Variants in NELL1 observed in about 807,000 individuals in gnomAD.
NELL1 encodes protein kinase C-binding protein NELL1.
A neutral mutation model predicts 107.4 loss-of-function variants in NELL1; 76 were observed. The ratio of observed to expected loss-of-function variants is 0.71; its 90% confidence interval spans 0.59 to 0.86. The LOEUF is 0.86. Among genes scored for constraint, NELL1 ranks in the 40% least tolerant of loss-of-function variants. The pLI is 0.00. For missense variants in NELL1, 1,024 were observed against 1,005.5 expected (o/e 1.02, Z -0.25); for synonymous variants, 353 against 341.2 (o/e 1.03, Z -0.38).
chr11:20,939,323 G>T (rs1037501299), intron 10 of NELL1, among the ~76,000 whole-genome samples: 1 of 151,662 alleles, frequency 6.6e-6, no homozygotes, highest in African/African-American at 2.4e-5. Context: ...TTATTGAAAT[G>T]ATATTGGGGG....
intron 13 of NELL1, among the ~76,000 whole-genome samples, chr11:21,154,787 A>G (rs1433099846): frequency 1.3e-5 from 2 of 152,120 alleles, no homozygotes; most frequent in East Asian, 3.9e-4. Context: ...GGAATTTATC[A>G]TGTGGGCCTT....
intron 15 of NELL1, among the ~76,000 whole-genome samples, chr11:21,430,288 A>T (rs1405065891): frequency 1.3e-5 from 2 of 152,120 alleles, no homozygotes; most frequent in Non-Finnish European, 2.9e-5. Flanking sequence ...ATATTTTGAC[A>T]TTTTGAATAT....
chr11:21,525,198 G>A (rs1302407342), intron 15 of NELL1, among the ~76,000 whole-genome samples: 1 of 152,156 alleles, frequency 6.6e-6, no homozygotes, highest in Non-Finnish European at 1.5e-5. Flanking sequence ...GGAAGAAATG[G>A]ATTGTTTTGT....
At chr11:21,365,544 G>T (rs993690066) in intron 14 of NELL1, among the ~76,000 whole-genome samples, 3 of 152,106 alleles carry the variant, frequency 2.0e-5, no homozygotes, top group Non-Finnish European at 4.4e-5. Context: ...CATTAGTATT[G>T]CTGTCATTAT....
chr11:21,023,115 A>G (rs1852739607), intron 12 of NELL1, among the ~76,000 whole-genome samples: 1 of 152,108 alleles, frequency 6.6e-6, no homozygotes, highest in African/African-American at 2.4e-5. Context: ...GGAAATTTGA[A>G]AAGCAAAACA....
intron 12 of NELL1, among the ~76,000 whole-genome samples, chr11:21,097,520 T>C (rs1854676291): frequency 6.6e-6 from 1 of 151,474 alleles, no homozygotes; most frequent in South Asian, 2.1e-4. Flanking sequence ...CATATTTTCC[T>C]AAATGTACTG....
intron 7 of NELL1, among the ~76,000 whole-genome samples, chr11:20,920,127 G>A (rs1256915511): frequency 6.6e-6 from 1 of 152,098 alleles, no homozygotes; most frequent in Non-Finnish European, 1.5e-5. Context: ...TAGAAAATAT[G>A]GCTAATGCTG....
At chr11:21,276,323 A>G (rs186435481) in intron 14 of NELL1, among the ~76,000 whole-genome samples, 16 of 152,346 alleles carry the variant, frequency 1.1e-4, no homozygotes, top group Admixed American at 3.9e-4. Context: ...TAAAATACCT[A>G]GGAATCCAAC....
intron 2 of NELL1, among the ~76,000 whole-genome samples, chr11:20,770,035 A>G (rs541707984): frequency 1.3e-5 from 2 of 152,324 alleles, no homozygotes; most frequent in African/African-American, 4.8e-5. Context: ...AACAGATTCA[A>G]TGTTCTTACC....
intron 15 of NELL1, among the ~76,000 whole-genome samples, chr11:21,420,042 G>A (rs1296152061): frequency 2.0e-5 from 3 of 151,974 alleles, no homozygotes; most frequent in African/African-American, 4.8e-5. Context: ...ATACTTAGAG[G>A]TGCGTGTGGG....
intron 15 of NELL1, among the ~76,000 whole-genome samples, chr11:21,413,207 C>T (rs549990209): frequency 2.6e-5 from 4 of 152,132 alleles, no homozygotes; most frequent in South Asian, 2.1e-4. Flanking sequence ...TTCAGCCCTG[C>T]TGAGTCATCC....
intron 15 of NELL1, among the ~76,000 whole-genome samples, chr11:21,496,253 A>G (rs1261428018): frequency 3.3e-5 from 5 of 151,896 alleles, no homozygotes; most frequent in African/African-American, 4.8e-5. Flanking sequence ...TTGCATTCCC[A>G]TATAATTATT....
chr11:20,725,020 A>G (rs1855477658), intron 2 of NELL1, among the ~76,000 whole-genome samples: 1 of 152,144 alleles, frequency 6.6e-6, no homozygotes. Context: ...CACACTTTAA[A>G]ACCATCAGCT....
At chr11:21,403,292 G>T (rs893061843) in intron 15 of NELL1, among the ~76,000 whole-genome samples, 1 of 151,686 alleles carries the variant, frequency 6.6e-6, no homozygotes, top group Non-Finnish European at 1.5e-5. Context: ...TAGTCTACCT[G>T]TGTCAGTGCT....
chr11:21,206,700 C>G (rs564196775), intron 13 of NELL1, among the ~76,000 whole-genome samples: 1 of 152,240 alleles, frequency 6.6e-6, no homozygotes, highest in African/African-American at 2.4e-5. Flanking sequence ...GAGATTTTTC[C>G]CCTTTGTCAG....
intron 2 of NELL1, among the ~76,000 whole-genome samples, chr11:20,709,827 A>T (rs1855066831): frequency 6.6e-6 from 1 of 151,932 alleles, no homozygotes; most frequent in Non-Finnish European, 1.5e-5. Flanking sequence ...AAAGGGATTG[A>T]GTTCTTGATT....
chr11:21,190,216 C>A (rs566545346), intron 13 of NELL1, among the ~76,000 whole-genome samples: 3 of 151,726 alleles, frequency 2.0e-5, no homozygotes, highest in African/African-American at 7.3e-5. Context: ...GCTGGGCATG[C>A]TGGTGGATGC....
chr11:21,227,186 T>C (rs556853912), intron 13 of NELL1, among the ~76,000 whole-genome samples: 20 of 152,304 alleles, frequency 1.3e-4, no homozygotes, highest in Non-Finnish European at 2.4e-4. Flanking sequence ...CTTCTCTCCA[T>C]TAGAAGGAAT....
chr11:21,079,950 G>A (rs1854226678), intron 12 of NELL1, among the ~76,000 whole-genome samples: 1 of 151,980 alleles, frequency 6.6e-6, no homozygotes. Flanking sequence ...TGGATGAGGA[G>A]GGGAATAGAG....
Sources: gnomAD v4.1 joint callset for allele counts (sites outside exome capture counted in the v4.1 genomes callset) on GRCh38, gnomAD v4.1.1 for gene constraint, MANE v1.5 for transcripts, NCBI Gene and HGNC (gene_info 2026-07-23, HGNC 2026-07-21) for gene names.